The following SYT1 variants were observed in gnomAD, a reference collection of about 807,000 sequenced individuals.
The protein encoded by SYT1 is synaptotagmin 1.
Under a neutral mutation model 44.8 loss-of-function variants are expected in SYT1, and 8 were observed. The observed-to-expected ratio is 0.18, with a 90% CI of 0.10 to 0.32. The LOEUF (loss-of-function observed/expected upper bound fraction) is 0.32. Ranked by LOEUF, SYT1 falls within the 10% of genes least tolerant of loss-of-function variation. The pLI is 1.00. For missense variants in SYT1, 286 were observed against 509.3 expected (o/e 0.56, Z 4.22); for synonymous variants, 154 against 188.8 (o/e 0.82, Z 1.51).
At chr12:79,224,122 G>A (rs376453272) in intron 4 of SYT1, among the ~76,000 whole-genome samples, 1 of 152,254 alleles carries the variant, frequency 6.6e-6, no homozygotes. Context: ...TTTTGTGGGA[G>A]ATGGTATCTG....
chr12:78,872,145 C>A (rs1393971683), intron 1 of SYT1, among the ~76,000 whole-genome samples: 1 of 151,818 alleles, frequency 6.6e-6, no homozygotes, highest in Non-Finnish European at 1.5e-5. Flanking sequence ...CCTGATAATT[C>A]AAAAAGTGAC....
At position 78,971,246 on chromosome 12, in the gene SYT1, C is replaced by T. The variant is rs139063966; in HGVS notation, c.-216-6553C>T. Among the ~76,000 whole-genome samples, 324 of 152,126 alleles carry T rather than the reference C, an allele frequency of 2.1e-3. 4 individuals are homozygous for T. Among genetic ancestry groups the T allele is most frequent in the African/African-American group, 7.6e-3 (316 of 41,500 alleles). On this transcript the variant is annotated intron_variant, in intron 1 of 10. Coordinates refer to ENST00000261205, the MANE Select transcript of SYT1 (RefSeq NM_005639.3). ...TCTCTAGACTAGATTCCTTTCTTAA[C>T]CAAATTTATCTTATAAAGATGTCCA...
chr12:79,175,947 T>C (rs1460177884), intron 3 of SYT1, among the ~76,000 whole-genome samples: 1 of 152,118 alleles, frequency 6.6e-6, no homozygotes, highest in Non-Finnish European at 1.5e-5. Context: ...CATTTCTTGT[T>C]TGATTATTTT....
At chr12:78,949,327 G>A (rs564495802) in intron 1 of SYT1, among the ~76,000 whole-genome samples, 244 of 151,396 alleles carry the variant, frequency 1.6e-3, no homozygotes, top group African/African-American at 5.3e-3. Flanking sequence ...TATTAAAATG[G>A]GTGTGAAATA....
intron 4 of SYT1, among the ~76,000 whole-genome samples, chr12:79,233,133 G>A (rs559949784): frequency 6.6e-6 from 1 of 152,030 alleles, no homozygotes; most frequent in East Asian, 1.9e-4. Context: ...CTAATTCAGA[G>A]TCAAGATGCA....
chr12:79,297,777 G>A (rs1268429320), intron 7 of SYT1, among the ~76,000 whole-genome samples: 1 of 152,118 alleles, frequency 6.6e-6, no homozygotes, highest in Non-Finnish European at 1.5e-5. Context: ...GAGGCAATAT[G>A]ATACAGGAAT....
chr12:79,012,819 C>T (rs1212974079), intron 2 of SYT1, among the ~76,000 whole-genome samples: 1 of 152,102 alleles, frequency 6.6e-6, no homozygotes, highest in Non-Finnish European at 1.5e-5. Flanking sequence ...ATGGCATTTT[C>T]CTTCTGTGGT....
chr12:79,130,203 G>A (rs1868719906), intron 3 of SYT1, among the ~76,000 whole-genome samples: 1 of 152,182 alleles, frequency 6.6e-6, no homozygotes, highest in African/African-American at 2.4e-5. Flanking sequence ...AGCTGTAACT[G>A]AGTGATTATA....
intron 3 of SYT1, among the ~76,000 whole-genome samples, chr12:79,199,652 C>A (rs1235202925): frequency 6.6e-6 from 1 of 152,092 alleles, no homozygotes; most frequent in Non-Finnish European, 1.5e-5. Flanking sequence ...AAATCACGAG[C>A]AAATTCACCT....
intron 2 of SYT1, among the ~76,000 whole-genome samples, chr12:78,987,633 G>T (rs1869736505): frequency 6.6e-6 from 1 of 151,806 alleles, no homozygotes; most frequent in South Asian, 2.1e-4. Context: ...TGAGCCTACA[G>T]TACTCTGCAT....
intron 2 of SYT1, among the ~76,000 whole-genome samples, chr12:79,006,115 A>G (rs146218216): frequency 6.6e-6 from 1 of 152,194 alleles, no homozygotes; most frequent in East Asian, 1.9e-4. Context: ...TCTTCTAGGG[A>G]GGACCAAAAT....
chr12:79,419,277 C>A lies in SYT1; in HGVS notation c.929-24796C>A, dbSNP rs756466109. 3 of 525,236 alleles carry A rather than the reference C, an allele frequency of 5.7e-6. No homozygotes were observed. In the Admixed American group the frequency reaches 5.9e-5, roughly 10 times the overall value. The allele number at this position is 525,236 out of a possible 1,614,324, so 32.5% of individuals were successfully genotyped here. A position where few individuals can be genotyped will look rare whatever the true frequency, so the allele number is the denominator to read the frequency against. ...GGTGTAGAAAGAAGGAAATTGAATT[C>A]ATTTAGAAAAGAGAATTCCAAATGA... On this transcript the variant is annotated intron_variant, in intron 9 of 10. Coordinates refer to ENST00000261205, the MANE Select transcript of SYT1 (RefSeq NM_005639.3).
chr12:79,379,859 T>G (rs955632677), intron 9 of SYT1, among the ~76,000 whole-genome samples: 1 of 152,188 alleles, frequency 6.6e-6, no homozygotes, highest in Non-Finnish European at 1.5e-5. Context: ...ATACTTCACA[T>G]GTACTATTAC....
chr12:79,405,018 C>A (rs1490117320), intron 9 of SYT1, among the ~76,000 whole-genome samples: 1 of 152,166 alleles, frequency 6.6e-6, no homozygotes, highest in Non-Finnish European at 1.5e-5. Context: ...TCACACTGAG[C>A]AATTATACCA....
chr12:79,211,319 T>C (rs1874431763), intron 3 of SYT1, among the ~76,000 whole-genome samples: 1 of 152,220 alleles, frequency 6.6e-6, no homozygotes, highest in Non-Finnish European at 1.5e-5. Flanking sequence ...TGTTGGATAA[T>C]TTCTGGCACT....
intron 4 of SYT1, among the ~76,000 whole-genome samples, chr12:79,264,640 A>G (rs1278855002): frequency 6.6e-6 from 1 of 152,192 alleles, no homozygotes; most frequent in African/African-American, 2.4e-5. Flanking sequence ...TGCTACTAAT[A>G]CCTGCACTGC....
intron 4 of SYT1, among the ~76,000 whole-genome samples, chr12:79,234,485 T>A (rs916834960): frequency 2.0e-5 from 3 of 152,216 alleles, no homozygotes; most frequent in Non-Finnish European, 4.4e-5. Flanking sequence ...TTATAACTGT[T>A]CCAGCATTTC....
chr12:79,382,133 A>G (rs1166786780), intron 9 of SYT1, among the ~76,000 whole-genome samples: 2 of 152,196 alleles, frequency 1.3e-5, no homozygotes, highest in African/African-American at 4.8e-5. Flanking sequence ...ACAGATGAAA[A>G]TGACACAGTG....
intron 1 of SYT1, among the ~76,000 whole-genome samples, chr12:78,896,125 A>G (rs1875343796): frequency 6.6e-6 from 1 of 151,796 alleles, no homozygotes; most frequent in Non-Finnish European, 1.5e-5. Flanking sequence ...AACTCTGTAT[A>G]CCACCAAATC....
Sources: gnomAD v4.1 joint callset for allele counts (sites outside exome capture counted in the v4.1 genomes callset) on GRCh38, gnomAD v4.1.1 for gene constraint, MANE v1.5 for transcripts, NCBI Gene and HGNC (gene_info 2026-07-23, HGNC 2026-07-21) for gene names.